The following LPP variants were observed in gnomAD, a reference collection of about 807,000 sequenced individuals.
LPP encodes the protein lipoma-preferred partner.
A neutral mutation model predicts 60.4 loss-of-function variants in LPP; 38 were observed. The ratio of observed to expected loss-of-function variants is 0.63; its 90% CI spans 0.49 to 0.83. The LOEUF (loss-of-function observed/expected upper bound fraction) is 0.83. Ranked by LOEUF, LPP falls within the 40% of genes least tolerant of loss-of-function variation. The pLI is 0.00. For missense variants in LPP, 902 were observed against 783.6 expected (o/e 1.15, Z -1.80); for synonymous variants, 328 against 290.8 (o/e 1.13, Z -1.30).
chr3:188,524,616 A>G lies in LPP; in HGVS notation c.307-49A>G, dbSNP rs759264535. ...ACTTGAGAAATTTGAACTTATAATG[A>G]TATCAAGGGAAATTTCCTTTGTTAA... On this transcript the variant is annotated intron_variant, in intron 5 of 11. Transcript: ENST00000617246. 11 of 1,559,582 alleles carry G rather than the reference A, an allele frequency of 7.1e-6. No homozygotes were observed. The South Asian group carries it at 8.3e-5, about 12-fold the overall frequency.
chr3:188,228,795 G>C (rs1718780424), intron 2 of LPP, among the ~76,000 whole-genome samples: 1 of 152,104 alleles, frequency 6.6e-6, no homozygotes, highest in African/African-American at 2.4e-5. Context: ...TTTTTGATCT[G>C]AGAATTAGGA....
chr3:188,261,212 G>A (rs990719411), intron 2 of LPP, among the ~76,000 whole-genome samples: 6 of 152,182 alleles, frequency 3.9e-5, no homozygotes, highest in Admixed American at 1.3e-4. Context: ...GCAGCAGCAC[G>A]ATTATGGCTC....
chr3:188,532,954 T>C (rs1822583914), intron 6 of LPP, among the ~76,000 whole-genome samples: 1 of 152,158 alleles, frequency 6.6e-6, no homozygotes, highest in African/African-American at 2.4e-5. Flanking sequence ...TATTCTAACT[T>C]CTTAGTCTAT....
chr3:188,505,411 G>T (rs187136930), intron 5 of LPP, among the ~76,000 whole-genome samples: 1 of 151,940 alleles, frequency 6.6e-6, no homozygotes, highest in Non-Finnish European at 1.5e-5. Context: ...TTGACCTTCC[G>T]TTTTCTCTCA....
chr3:188,429,725 A>G (rs1706698049), intron 4 of LPP, among the ~76,000 whole-genome samples: 1 of 152,212 alleles, frequency 6.6e-6, no homozygotes, highest in South Asian at 2.1e-4. Flanking sequence ...TTTAAGCGGA[A>G]TAGTTCCACT....
chr3:188,156,856 C>A (rs1005252944), intron 1 of LPP, among the ~76,000 whole-genome samples: 3 of 151,468 alleles, frequency 2.0e-5, no homozygotes, highest in African/African-American at 4.9e-5. Context: ...GCCCCACCCC[C>A]CCAAGAAAAA....
intron 6 of LPP, among the ~76,000 whole-genome samples, chr3:188,529,287 T>C (rs1821504901): frequency 1.3e-5 from 2 of 152,198 alleles, no homozygotes; most frequent in South Asian, 4.1e-4. Context: ...GTCCTAGAAA[T>C]GTAGACCGTT....
chr3:188,794,723 A>C (rs1344952751), intron 9 of LPP, among the ~76,000 whole-genome samples: 1 of 152,166 alleles, frequency 6.6e-6, no homozygotes, highest in Non-Finnish European at 1.5e-5. Flanking sequence ...AGAGACCATG[A>C]CAAAGGTTTT....
At chr3:188,524,392 C>G (rs148327040) in intron 5 of LPP, among the ~76,000 whole-genome samples, 47 of 152,238 alleles carry the variant, frequency 3.1e-4, no homozygotes, top group African/African-American at 7.9e-4. Context: ...TTTTCCTTTA[C>G]TTGTATACTT....
intron 4 of LPP, among the ~76,000 whole-genome samples, chr3:188,434,721 A>G (rs1459670564): frequency 6.6e-6 from 1 of 152,124 alleles, no homozygotes. Context: ...ACCGGACTGG[A>G]CTCAGGAGAC....
At chr3:188,296,679 C>G (rs1577926890) in intron 2 of LPP, among the ~76,000 whole-genome samples, 1 of 152,212 alleles carries the variant, frequency 6.6e-6, no homozygotes, top group African/African-American at 2.4e-5. Context: ...AACATTAGCT[C>G]ATTGGGCTTG....
chr3:188,404,954 C>T (rs185337737), intron 3 of LPP, among the ~76,000 whole-genome samples: 70 of 152,236 alleles, frequency 4.6e-4, no homozygotes, highest in East Asian at 3.9e-3. Flanking sequence ...ATTGGCTTAC[C>T]CTGACAGAGG....
chr3:188,685,470 A>C (rs1860502759), intron 7 of LPP, among the ~76,000 whole-genome samples: 1 of 152,116 alleles, frequency 6.6e-6, no homozygotes, highest in South Asian at 2.1e-4. Context: ...ATTGAAAACA[A>C]ATTTAGTGCC....
At chr3:188,377,033 C>T (rs1344032402) in intron 3 of LPP, among the ~76,000 whole-genome samples, 1 of 152,160 alleles carries the variant, frequency 6.6e-6, no homozygotes, top group Non-Finnish European at 1.5e-5. Flanking sequence ...GAATATTGGT[C>T]CCCGCTCTCT....
At chr3:188,439,484 G>A (rs1244846748) in intron 4 of LPP, among the ~76,000 whole-genome samples, 1 of 152,172 alleles carries the variant, frequency 6.6e-6, no homozygotes, top group Non-Finnish European at 1.5e-5. Flanking sequence ...GACCAGTTAG[G>A]TAACTAGTGT....
In LPP at chr3:188,878,513, C is replaced by T. The variant is rs114071529; in HGVS notation, c.*4034C>T. 1,103 of 215,392 alleles carry T rather than the reference C, an allele frequency of 5.1e-3. 4 individuals carry two copies. The highest frequency in any genetic ancestry group is 7.2e-3 in the Non-Finnish European group (769 of 106,440). The allele number at this position is 215,392 out of a possible 1,614,324, so 13.3% of individuals were successfully genotyped here. ...GAAATATGACAGCATGTTCCATACC[C>T]CTGCTTTAGCCATCTGTGGGAAACC... On this transcript the variant is annotated 3_prime_UTR_variant, in exon 12 of 12. Transcript: ENST00000617246.
intron 9 of LPP, among the ~76,000 whole-genome samples, chr3:188,794,446 G>T (rs1744728837): frequency 6.6e-6 from 1 of 152,130 alleles, no homozygotes; most frequent in South Asian, 2.1e-4. Context: ...TTCTGAAACT[G>T]CAATTTAAGT....
chr3:188,159,428 A>C (rs919301056), intron 1 of LPP, among the ~76,000 whole-genome samples: 4 of 152,204 alleles, frequency 2.6e-5, no homozygotes, highest in Non-Finnish European at 5.9e-5. Flanking sequence ...GTGAATGAAC[A>C]ATGTTTATGG....
At chr3:188,746,648 G>A (rs766549431) in intron 8 of LPP, 146 of 424,632 alleles carry the variant, frequency 3.4e-4, no homozygotes, top group Admixed American at 1.5e-3. Context: ...TTTTTATGCA[G>A]TTTCTGTGGA....
Sources: gnomAD v4.1 joint callset for allele counts (sites outside exome capture counted in the v4.1 genomes callset) on GRCh38, gnomAD v4.1.1 for gene constraint, MANE v1.5 for transcripts, NCBI Gene and HGNC (gene_info 2026-07-23, HGNC 2026-07-21) for gene names.